Variants in UVRAG observed in about 807,000 individuals in gnomAD.
The protein encoded by UVRAG is UV radiation resistance associated.
In UVRAG, 19 loss-of-function variants were observed where a neutral mutation model predicts 78.0. That is an observed-to-expected ratio of 0.24 (90% CI 0.17 to 0.36). UVRAG has a LOEUF of 0.36. Among genes scored for constraint, UVRAG ranks in the 10% least tolerant of loss-of-function variants. UVRAG has a pLI of 1.00. For missense variants in UVRAG, 740 were observed against 853.8 expected (o/e 0.87, Z 1.66); for synonymous variants, 323 against 324.6 (o/e 1.00, Z 0.05).
intron 2 of UVRAG, among the ~76,000 whole-genome samples, chr11:75,858,752 A>G (rs553606759): frequency 6.6e-6 from 1 of 152,340 alleles, no homozygotes; most frequent in Admixed American, 6.5e-5. Flanking sequence ...CACCAAGCCT[A>G]TGCAAACTTT....
chr11:75,995,120 T>C (rs1949680518), intron 8 of UVRAG, among the ~76,000 whole-genome samples: 1 of 152,060 alleles, frequency 6.6e-6, no homozygotes, highest in Non-Finnish European at 1.5e-5. Flanking sequence ...TGCCTCTCTT[T>C]ATTATTGTTA....
intron 1 of UVRAG, among the ~76,000 whole-genome samples, chr11:75,819,353 T>C (rs769479184): frequency 6.6e-6 from 1 of 152,156 alleles, no homozygotes; most frequent in Non-Finnish European, 1.5e-5. Flanking sequence ...TTTTTTGTTT[T>C]GTTTTTGATT....
intron 14 of UVRAG, among the ~76,000 whole-genome samples, chr11:76,131,016 GA>G (rs1201618362): frequency 4.0e-5 from 6 of 151,132 alleles, no homozygotes. Flanking sequence ...CAGATACTCC[GA>G]GGGGTCCCCA....
chr11:76,007,443 A>G (rs1293156539), intron 9 of UVRAG, 91 bp from the exon 10 acceptor site: 1 of 1,018,938 alleles, frequency 9.8e-7, no homozygotes, highest in Non-Finnish European at 1.5e-6. Flanking sequence ...AGACAGTATA[A>G]TCTTTCTTTG....
At chr11:76,026,162 A>G (rs529782138) in intron 12 of UVRAG, among the ~76,000 whole-genome samples, 7 of 152,270 alleles carry the variant, frequency 4.6e-5, no homozygotes, top group Admixed American at 2.0e-4. Flanking sequence ...CTTTATTTGT[A>G]TAAGTAATAA....
chr11:75,850,979 C>T (rs1946142646), intron 1 of UVRAG, among the ~76,000 whole-genome samples: 1 of 152,142 alleles, frequency 6.6e-6, no homozygotes, highest in Non-Finnish European at 1.5e-5. Context: ...GTGGACTTAC[C>T]TCAGGAGAGT....
chr11:76,034,507 T>G (rs1362166263), intron 12 of UVRAG, among the ~76,000 whole-genome samples: 1 of 152,110 alleles, frequency 6.6e-6, no homozygotes, highest in Non-Finnish European at 1.5e-5. Context: ...GCCCATTATT[T>G]TATTTAACGT....
At chr11:76,073,398 T>C (rs1426098906) in intron 13 of UVRAG, among the ~76,000 whole-genome samples, 1 of 152,198 alleles carries the variant, frequency 6.6e-6, no homozygotes, top group Non-Finnish European at 1.5e-5. Context: ...CTGAATGAAG[T>C]GAGCCTGTCT....
At chr11:76,042,335 A>G (rs753394693) in intron 12 of UVRAG, among the ~76,000 whole-genome samples, 1 of 152,240 alleles carries the variant, frequency 6.6e-6, no homozygotes, top group African/African-American at 2.4e-5. Flanking sequence ...TTTCATAGAA[A>G]CACTTGTATT....
At chr11:75,854,109 G>A (rs1407438126) in intron 2 of UVRAG, among the ~76,000 whole-genome samples, 1 of 152,138 alleles carries the variant, frequency 6.6e-6, no homozygotes, top group Non-Finnish European at 1.5e-5. Context: ...GTATTCATCT[G>A]AATGATTAAT....
At chr11:75,863,405 G>C (rs185159256) in intron 3 of UVRAG, among the ~76,000 whole-genome samples, 28 of 152,246 alleles carry the variant, frequency 1.8e-4, no homozygotes, top group Non-Finnish European at 8.8e-5. Context: ...CATTTATTCT[G>C]TTCTCTTTTC....
chr11:76,141,113 C>G lies in UVRAG; in HGVS notation c.1800C>G (p.Leu600=). Residue 600 remains leucine, a synonymous_variant, in exon 15 of 15, where the codon CTC becomes CTG. Transcript: ENST00000356136. ...ACCGGGCCACAGTCAATGGCACTCT[C>G]CTACCCAGCGAGCAGGCCGGGTCCG... ...SGHRATVNGT[L]LPSEQAGSAS... is the part of the protein sequence containing the mutation. 3.1e-6 allele frequency: 5 copies of G among 1,614,190 alleles called. No individual in the cohort carries two copies. Among genetic ancestry groups the G allele is most frequent in the Non-Finnish European group, 4.2e-6 (5 of 1,180,042 alleles).
At chr11:75,828,800 T>TACACAC (rs1565334072) in intron 1 of UVRAG, among the ~76,000 whole-genome samples, 4 of 105,730 alleles carry the variant, frequency 3.8e-5, no homozygotes, top group East Asian at 2.5e-4. Flanking sequence ...TATATATATA[T>TACACAC]ATATATTTTT....
chr11:75,883,883 C>A (rs1471478071), intron 4 of UVRAG, among the ~76,000 whole-genome samples: 1 of 152,070 alleles, frequency 6.6e-6, no homozygotes, highest in African/African-American at 2.4e-5. Flanking sequence ...AGTTGAGTAA[C>A]CACCACCATA....
intron 8 of UVRAG, among the ~76,000 whole-genome samples, chr11:75,993,856 A>T (rs914462416): frequency 1.8e-4 from 28 of 152,252 alleles, no homozygotes; most frequent in African/African-American, 6.3e-4. Flanking sequence ...GCTTTCGGTC[A>T]TGGTGGAAGG....
At chr11:75,942,372 T>C (rs1157189588) in intron 6 of UVRAG, 2 of 152,912 alleles carry the variant, frequency 1.3e-5, no homozygotes, top group African/African-American at 2.4e-5. Flanking sequence ...GAATAAAATA[T>C]ATATTTTTTC....
chr11:75,877,166 G>T lies in UVRAG; in HGVS notation c.271-2713G>T, dbSNP rs1017818816. ...GTTTCAGAGAGCACAGGGTTGGGGG[G>T]TAAGGTCACAGATCAACAGGATCCC... On this transcript the variant is annotated intron_variant, in intron 3 of 14. Coordinates refer to ENST00000356136, the MANE Select transcript of UVRAG (RefSeq NM_003369.4). 4.9e-3 allele frequency among the ~76,000 whole-genome samples: 747 copies of T among 151,966 alleles called. 4 individuals carry two copies. Among genetic ancestry groups the T allele is most frequent in the African/African-American group, 0.017 (706 of 41,306 alleles).
At chr11:75,884,240 T>TCTTTCTCTC (rs1555080662) in intron 4 of UVRAG, among the ~76,000 whole-genome samples, 1 of 132,470 alleles carries the variant, frequency 7.5e-6, no homozygotes. Context: ...CTCTCTCTCT[T>TCTTTCTCTC]TCTCTCTCTC....
intron 5 of UVRAG, 54 bp downstream of exon 5, chr11:75,888,957 AG>A: frequency 6.9e-7 from 1 of 1,449,086 alleles, no homozygotes; most frequent in Non-Finnish European, 9.6e-7. Context: ...TGTGCCTTGC[AG>A]GTGTACAGGG....
Sources: gnomAD v4.1 joint callset for allele counts (sites outside exome capture counted in the v4.1 genomes callset) on GRCh38, gnomAD v4.1.1 for gene constraint, MANE v1.5 for transcripts, NCBI Gene and HGNC (gene_info 2026-07-23, HGNC 2026-07-21) for gene names.